NR1H4: variants seen among roughly 807,000 people sequenced by gnomAD.
The protein encoded by NR1H4 is bile acid receptor.
In NR1H4, 23 loss-of-function variants were observed where a neutral mutation model predicts 58.5. That is an observed-to-expected ratio of 0.39 (90% CI 0.28 to 0.56). NR1H4 has a LOEUF of 0.56. Ranked by LOEUF, NR1H4 falls within the 20% of genes least tolerant of loss-of-function variation. The probability of loss-of-function intolerance (pLI) is 0.58; values close to 1 mark genes in which losing one functional copy is unlikely to be tolerated. For synonymous variants in NR1H4, 214 were observed against 198.0 expected, an observed-to-expected ratio of 1.08 and a Z score of -0.68; for missense variants, 487 against 576.9, an observed-to-expected ratio of 0.84 and a Z score of 1.60.
rs544590171 is a variant in NR1H4 at position 100,536,875 on chromosome 12, C to A, written c.832-73C>A. 93 of 932,876 alleles carry A rather than the reference C, an allele frequency of 1.0e-4. No homozygotes were observed. The East Asian group carries it at 2.1e-3, about 21-fold the overall frequency. The allele number at this position is 932,876 out of a possible 1,614,324, so 57.8% of individuals were successfully genotyped here. A position where few individuals can be genotyped will look rare whatever the true frequency, so the allele number is the denominator to read the frequency against. On this transcript the variant is annotated intron_variant, in intron 7 of 10. Transcript: ENST00000392986. ...ATTTTATCATCTAAACCTAGTTTTTCTTTAGTCTAATGGTTTTATATTATC... is the reference window on the plus strand; with the variant it reads ...ATTTTATCATCTAAACCTAGTTTTTATTTAGTCTAATGGTTTTATATTATC...
intron 9 of NR1H4, among the ~76,000 whole-genome samples, chr12:100,545,667 AAAC>A (rs1593121757): frequency 6.9e-6 from 1 of 145,654 alleles, no homozygotes; most frequent in African/African-American, 2.6e-5. Flanking sequence ...AAAAAAAAAA[AAAC>A]CAAACGGGGG....
At chr12:100,528,670 A>G (rs901122537) in intron 4 of NR1H4, among the ~76,000 whole-genome samples, 1 of 152,242 alleles carries the variant, frequency 6.6e-6, no homozygotes, top group African/African-American at 2.4e-5. Context: ...AAGTATAAAT[A>G]CAGTATATGT....
chr12:100,561,047 G>A (rs1269532949), intron 9 of NR1H4, among the ~76,000 whole-genome samples: 2 of 152,182 alleles, frequency 1.3e-5, no homozygotes, highest in Non-Finnish European at 2.9e-5. Context: ...GCCAATTACT[G>A]ATGCTTAGTA....
intron 1 of NR1H4, among the ~76,000 whole-genome samples, chr12:100,477,282 A>C (rs1462920461): frequency 3.3e-5 from 5 of 152,198 alleles, no homozygotes; most frequent in African/African-American, 1.2e-4. Context: ...CACAGGAAAA[A>C]AAATAAGATT....
chr12:100,561,936 G>A lies in NR1H4; in HGVS notation c.1130G>A (p.Gly377Glu), dbSNP rs1171305852. Reference sequence around the variant, plus strand: ...ATGTTTAGTTTTTATAAAAGTATTGGGGAACTGAAAATGACTCAAGAGGAG... The same window carrying A: ...ATGTTTAGTTTTTATAAAAGTATTGAGGAACTGAAAATGACTCAAGAGGAG... ...TPMFSFYKSI[G>E]ELKMTQEEYA... is the part of the protein sequence containing the mutation. The change falls in exon 10 of 11, where the codon GGG becomes GAG. Residue 377 changes from glycine to glutamate, a missense_variant. Coordinates refer to ENST00000392986, the MANE Select transcript of NR1H4 (RefSeq NM_001206979.2). The A allele has an allele frequency of 6.4e-7, 1 of 1,566,842 alleles. No individual in the cohort carries two copies.
intron 1 of NR1H4, among the ~76,000 whole-genome samples, chr12:100,482,295 G>A (rs1381804826): frequency 6.6e-6 from 1 of 151,240 alleles, no homozygotes; most frequent in Non-Finnish European, 1.5e-5. Flanking sequence ...ATTTCTTTAT[G>A]TGACAAAAAA....
chr12:100,551,768 G>A (rs1198518238), intron 9 of NR1H4, among the ~76,000 whole-genome samples: 1 of 152,128 alleles, frequency 6.6e-6, no homozygotes, highest in Non-Finnish European at 1.5e-5. Flanking sequence ...ATCCACAGAG[G>A]ATTGGTTCTA....
chr12:100,560,717 G>A (rs924764038), intron 9 of NR1H4, among the ~76,000 whole-genome samples: 2 of 152,236 alleles, frequency 1.3e-5, no homozygotes, highest in Non-Finnish European at 2.9e-5. Flanking sequence ...CGTGGATAGG[G>A]ATAGATCAAA....
chr12:100,526,015 T>C lies in NR1H4; in HGVS notation c.446-6443T>C, dbSNP rs181726306. Among the ~76,000 whole-genome samples the C allele has an allele frequency of 2.0e-5, 3 of 152,186 alleles. No individual in the cohort carries two copies. In the East Asian group the frequency reaches 5.8e-4, roughly 29 times the overall value. On this transcript the variant is annotated intron_variant, in intron 4 of 10. Coordinates refer to ENST00000392986, the MANE Select transcript of NR1H4 (RefSeq NM_001206979.2). Reference sequence around the variant, plus strand: ...GGTAATTTGTGTCTTCTCTCTCTCTTTTTTCTTGGTTAGCCTTGCTGGGCT... The same window carrying C: ...GGTAATTTGTGTCTTCTCTCTCTCTCTTTTCTTGGTTAGCCTTGCTGGGCT...
intron 1 of NR1H4, among the ~76,000 whole-genome samples, chr12:100,488,819 A>G (rs10860598): frequency 0.17 from 25,948 of 152,256 alleles, 4,703 homozygotes; most frequent in East Asian, 0.5. Flanking sequence ...TTTATAATAC[A>G]TCAGAAATTA....
At position 100,563,363 on chromosome 12, in the gene NR1H4, C is replaced by G. The variant is rs1479631697; in HGVS notation, c.1305C>G (p.Ala435=). 3.7e-6 allele frequency: 6 copies of G among 1,614,156 alleles called. No individual in the cohort carries two copies. In the East Asian group the frequency reaches 1.3e-4, roughly 36 times the overall value. ...IHQPENPQHF[A]CLLGRLTELR... ...AGCCTGAAAATCCTCAACACTTTGC[C>G]TGTCTCCTGGGTCGCCTGACTGAAT... is the stretch of plus-strand genomic sequence containing the variant. Residue 435 remains alanine (A), a synonymous_variant, in exon 11 of 11, where the codon GCC becomes GCG. Transcript: ENST00000392986.
At chr12:100,476,174 G>C (rs1341511639) in intron 1 of NR1H4, among the ~76,000 whole-genome samples, 2 of 152,182 alleles carry the variant, frequency 1.3e-5, no homozygotes, top group Non-Finnish European at 2.9e-5. Context: ...GCCTCTTCCT[G>C]GCTACTCTGA....
At chr12:100,482,590 C>A (rs1953404699) in intron 1 of NR1H4, among the ~76,000 whole-genome samples, 1 of 152,090 alleles carries the variant, frequency 6.6e-6, no homozygotes, top group African/African-American at 2.4e-5. Context: ...ATGGGAGACA[C>A]AGAAAACCAA....
chr12:100,518,063 C>T (rs1954312326), intron 4 of NR1H4, among the ~76,000 whole-genome samples: 1 of 152,218 alleles, frequency 6.6e-6, no homozygotes, highest in Non-Finnish European at 1.5e-5. Context: ...GTGTCTAAGC[C>T]AAGGGAATGA....
intron 9 of NR1H4, among the ~76,000 whole-genome samples, chr12:100,561,308 G>A (rs1381287597): frequency 6.6e-6 from 1 of 152,190 alleles, no homozygotes; most frequent in Non-Finnish European, 1.5e-5. Flanking sequence ...TGAGGCAGGA[G>A]AATGGCGGGA....
chr12:100,531,985 A>G (rs1954704548), intron 4 of NR1H4, among the ~76,000 whole-genome samples: 1 of 151,880 alleles, frequency 6.6e-6, no homozygotes, highest in Admixed American at 6.6e-5. Context: ...TTCATCCCAA[A>G]CTGAGGAATC....
At chr12:100,505,469 C>T (rs1434662474) in intron 3 of NR1H4, 2 of 621,438 alleles carry the variant, frequency 3.2e-6, no homozygotes, top group Admixed American at 5.1e-5. Flanking sequence ...TTGGTAGGTA[C>T]AGAACCCTTC....
chr12:100,544,872 C>CT (rs1361631186), intron 9 of NR1H4, among the ~76,000 whole-genome samples: 2 of 152,034 alleles, frequency 1.3e-5, no homozygotes, highest in African/African-American at 2.4e-5. Flanking sequence ...GAACAGATAT[C>CT]TTTTTTGCAT....
chr12:100,516,082 G>T (rs1954258265), intron 4 of NR1H4, among the ~76,000 whole-genome samples: 1 of 152,194 alleles, frequency 6.6e-6, no homozygotes, highest in Admixed American at 6.5e-5. Context: ...CACTCATCTG[G>T]CCAAGCATCT....
Sources: gnomAD v4.1 joint callset for allele counts (sites outside exome capture counted in the v4.1 genomes callset) on GRCh38, gnomAD v4.1.1 for gene constraint, MANE v1.5 for transcripts, NCBI Gene and HGNC (gene_info 2026-07-23, HGNC 2026-07-21) for gene names.